Variants in BCKDHB observed in about 807,000 individuals in gnomAD.
BCKDHB encodes the protein branched chain keto acid dehydrogenase E1 subunit beta, also known as 2-oxoisovalerate dehydrogenase subunit beta, mitochondrial.
A neutral mutation model predicts 48.5 loss-of-function variants in BCKDHB; 41 were observed. The ratio of observed to expected loss-of-function variants is 0.85; its 90% CI spans 0.66 to 1.10. The LOEUF (loss-of-function observed/expected upper bound fraction) is 1.10. Among genes scored for constraint, BCKDHB ranks in the 50% least tolerant of loss-of-function variants. The pLI, the probability that BCKDHB is intolerant of heterozygous loss-of-function variation, is 0.00. For missense variants in BCKDHB, 496 were observed against 494.2 expected, an observed-to-expected ratio of 1.00 and a Z score of -0.03; for synonymous variants, 201 against 174.8, an observed-to-expected ratio of 1.15 and a Z score of -1.18.
intron 8 of BCKDHB, among the ~76,000 whole-genome samples, chr6:80,220,785 A>T (rs113347594): frequency 0.036 from 4,855 of 134,484 alleles, 277 homozygotes; most frequent in African/African-American, 0.13. Flanking sequence ...CTCAGGCTGG[A>T]GTGCAGTGGC....
At chr6:80,125,094 C>T (rs1415245747) in intron 1 of BCKDHB, among the ~76,000 whole-genome samples, 1 of 152,182 alleles carries the variant, frequency 6.6e-6, no homozygotes, top group African/African-American at 2.4e-5. Flanking sequence ...GTATAGCCAC[C>T]TTCATCAATG....
At chr6:80,174,982 G>A (rs916471549) in intron 6 of BCKDHB, among the ~76,000 whole-genome samples, 4 of 152,170 alleles carry the variant, frequency 2.6e-5, no homozygotes, top group Admixed American at 2.0e-4. Flanking sequence ...GATATGTTAA[G>A]TTATGCTAAT....
chr6:80,434,037 G>T, the BCKDHB span, among the ~76,000 whole-genome samples: 1 of 151,950 alleles, frequency 6.6e-6, no homozygotes, highest in Non-Finnish European at 1.5e-5. Flanking sequence ...TATTTGGGAG[G>T]CATCTTTTTA....
chr6:80,355,719 G>A, the BCKDHB span: 6 of 152,078 alleles, frequency 3.9e-5, no homozygotes, highest in East Asian at 7.7e-4. Flanking sequence ...TTGGGGAATT[G>A]CGTGAGGGTT....
the BCKDHB span, among the ~76,000 whole-genome samples, chr6:80,415,273 G>T: frequency 1.3e-5 from 2 of 152,004 alleles, no homozygotes; most frequent in Non-Finnish European, 2.9e-5. Context: ...TTGCCTGATT[G>T]TCCTAGTCAG....
intron 8 of BCKDHB, among the ~76,000 whole-genome samples, chr6:80,239,067 G>A (rs2127907404): frequency 6.6e-6 from 1 of 152,280 alleles, no homozygotes; most frequent in East Asian, 1.9e-4. Flanking sequence ...ACATACGTGT[G>A]CATGTGTCTT....
chr6:80,271,443 C>T (rs1319538127), intron 8 of BCKDHB, among the ~76,000 whole-genome samples: 2 of 152,078 alleles, frequency 1.3e-5, no homozygotes, highest in Non-Finnish European at 1.5e-5. Flanking sequence ...TTTCACCATC[C>T]ACTCTGTGGC....
the BCKDHB span, among the ~76,000 whole-genome samples, chr6:80,422,694 T>C: frequency 6.6e-6 from 1 of 152,196 alleles, no homozygotes; most frequent in Non-Finnish European, 1.5e-5. Flanking sequence ...TGTTAAGATT[T>C]AATGAGTGCC....
At chr6:80,294,447 G>A (rs370800892) in intron 9 of BCKDHB, among the ~76,000 whole-genome samples, 29 of 152,272 alleles carry the variant, frequency 1.9e-4, no homozygotes, top group African/African-American at 2.2e-4. Flanking sequence ...GAAGACAACC[G>A]TTAGGTCTGA....
chr6:80,374,114 T>TTCAGTAAGGC, the BCKDHB span: 1 of 706,008 alleles, frequency 1.4e-6, no homozygotes, highest in African/African-American at 1.7e-5. Flanking sequence ...TCTGTTCCTT[T>TTCAGTAAGGC]TCAGTAAGGC....
intron 3 of BCKDHB, among the ~76,000 whole-genome samples, chr6:80,146,576 G>A (rs1240327171): frequency 5.3e-5 from 8 of 152,104 alleles, no homozygotes; most frequent in African/African-American, 1.9e-4. Context: ...AGAAAATGTT[G>A]GAAGCTGGAA....
chr6:80,298,866 G>A (rs1009148575), intron 9 of BCKDHB, among the ~76,000 whole-genome samples: 1 of 152,178 alleles, frequency 6.6e-6, no homozygotes, highest in Non-Finnish European at 1.5e-5. Context: ...GGTCATGAAA[G>A]GATCTTTTCT....
At chr6:80,367,402 A>C in the BCKDHB span, among the ~76,000 whole-genome samples, 1 of 152,210 alleles carries the variant, frequency 6.6e-6, no homozygotes, top group Non-Finnish European at 1.5e-5. Flanking sequence ...TTATTTTTAT[A>C]GCTCATACAT....
At chr6:80,172,032 C>T (rs1772942808) in intron 6 of BCKDHB, among the ~76,000 whole-genome samples, 1 of 152,096 alleles carries the variant, frequency 6.6e-6, no homozygotes, top group South Asian at 2.1e-4. Flanking sequence ...ATCCATTCTC[C>T]CTATGCCAAA....
the BCKDHB span, among the ~76,000 whole-genome samples, chr6:80,459,496 T>G: frequency 2.0e-5 from 3 of 152,218 alleles, no homozygotes; most frequent in Admixed American, 2.0e-4. Flanking sequence ...AAATAGGGAA[T>G]TACTAATTAT....
intron 9 of BCKDHB, among the ~76,000 whole-genome samples, chr6:80,343,344 A>T (rs1770018209): frequency 6.6e-6 from 1 of 152,234 alleles, no homozygotes; most frequent in African/African-American, 2.4e-5. Context: ...AGAGTTAACT[A>T]CTGTGAACAT....
At chr6:80,207,533 T>TAATTA (rs1774723801) in intron 8 of BCKDHB, among the ~76,000 whole-genome samples, 1 of 151,762 alleles carries the variant, frequency 6.6e-6, no homozygotes, top group Admixed American at 6.6e-5. Flanking sequence ...AATATAGAAG[T>TAATTA]AATTAAATTA....
At chr6:80,262,199 A>T (rs566185856) in intron 8 of BCKDHB, among the ~76,000 whole-genome samples, 1 of 152,278 alleles carries the variant, frequency 6.6e-6, no homozygotes, top group African/African-American at 2.4e-5. Flanking sequence ...TATGCAACCT[A>T]TGGTAGCTGT....
At chr6:80,230,298 A>G (rs1276106529) in intron 8 of BCKDHB, among the ~76,000 whole-genome samples, 1 of 151,742 alleles carries the variant, frequency 6.6e-6, no homozygotes, top group Non-Finnish European at 1.5e-5. Context: ...TCGGCCTCCC[A>G]AAGTGCTGGG....
Sources: allele counts gnomAD v4.1 joint callset (sites outside exome capture counted in the v4.1 genomes callset), GRCh38; gene constraint gnomAD v4.1.1; transcripts MANE v1.5; gene names NCBI Gene and HGNC (gene_info 2026-07-23, HGNC 2026-07-21).